The following YKT6 variants were observed in gnomAD, a reference collection of about 807,000 sequenced individuals.
YKT6 encodes the protein YKT6 vesicular SNARE protein, also known as synaptobrevin homolog YKT6.
A neutral mutation model predicts 29.3 loss-of-function variants in YKT6; 12 were observed. That is an observed-to-expected ratio of 0.41 (90% CI 0.26 to 0.66). The LOEUF (loss-of-function observed/expected upper bound fraction) is 0.66, where lower values mean the gene tolerates loss of function less well. Ranked by LOEUF, YKT6 falls within the 30% of genes least tolerant of loss-of-function variation. The pLI is 0.32. For synonymous variants in YKT6, 86 were observed against 94.3 expected (o/e 0.91, Z 0.51); for missense variants, 188 against 243.8 (o/e 0.77, Z 1.52).
intron 2 of YKT6, among the ~76,000 whole-genome samples, chr7:44,205,314 T>C (rs184130981): frequency 6.6e-6 from 1 of 152,384 alleles, no homozygotes; most frequent in African/African-American, 2.4e-5. Context: ...GTTCTTGCTC[T>C]GTTCTTCAAA....
chr7:44,202,203 T>C (rs1033555490), intron 1 of YKT6, among the ~76,000 whole-genome samples: 1 of 151,744 alleles, frequency 6.6e-6, no homozygotes, highest in Non-Finnish European at 1.5e-5. Flanking sequence ...TGCCAAGGAC[T>C]TGCTGGATGT....
intron 5 of YKT6, among the ~76,000 whole-genome samples, chr7:44,209,808 G>T (rs1177807775): frequency 1.3e-5 from 2 of 152,162 alleles, no homozygotes; most frequent in Non-Finnish European, 2.9e-5. Context: ...TCCATCTCTA[G>T]ACCCCTTCCC....
chr7:44,208,351 C>T (rs2096343144), intron 5 of YKT6, 153 bp downstream of exon 5: 3 of 758,408 alleles, frequency 4.0e-6, no homozygotes, highest in Non-Finnish European at 6.6e-6. Context: ...CCACCCCGGG[C>T]ATCAGACTGT....
chr7:44,208,373 C>G, intron 5 of YKT6, 175 bp downstream of exon 5: 1 of 631,958 alleles, frequency 1.6e-6, no homozygotes, highest in Non-Finnish European at 2.7e-6. Context: ...TTTCCTATAC[C>G]CTTCTCTTGG....
chr7:44,201,162 C>T lies in YKT6; in HGVS notation c.27C>T (p.Leu9=), dbSNP rs1397223447. 6.2e-7 allele frequency: 1 copy of T among 1,611,252 alleles called. No homozygotes were observed. The highest frequency in any genetic ancestry group is 1.7e-5 in the Admixed American group (1 of 59,714). The change falls in exon 1 of 7, where the codon CTC becomes CTT. Residue 9 remains leucine, a synonymous_variant. Coordinates refer to ENST00000223369, the MANE Select transcript of YKT6 (RefSeq NM_006555.4). MKLYSLSV[L]YKGEAKVVLL... is the part of the protein sequence containing the mutation. ...TGAAGCTGTACAGCCTCAGCGTCCTCTACAAAGGCGAGGCCAAGGTGGTGC... is the reference window on the plus strand; with the variant it reads ...TGAAGCTGTACAGCCTCAGCGTCCTTTACAAAGGCGAGGCCAAGGTGGTGC...
At chr7:44,207,660 C>T (rs1346912244) in intron 4 of YKT6, among the ~76,000 whole-genome samples, 168 bp downstream of exon 4, 1 of 151,924 alleles carries the variant, frequency 6.6e-6, no homozygotes, top group African/African-American at 2.4e-5. Context: ...ACGTTCAGAC[C>T]GGGGAACCCA....
rs976486557 is a variant in YKT6 at position 44,212,383 on chromosome 7, G to T, written c.*101G>T. ...ACAGCCATAGACGAGGAGCCAGAGT[G>T]GGGGCAGACTGGCCATTTTTATTTT... On this transcript the variant is annotated 3_prime_UTR_variant, in exon 7 of 7. Transcript: ENST00000223369. 4 of 1,477,790 alleles carry T rather than the reference G, an allele frequency of 2.7e-6. No individual in the cohort carries two copies. Among genetic ancestry groups the T allele is most frequent in the Non-Finnish European group, 3.7e-6 (4 of 1,074,286 alleles). The allele number at this position is 1,477,790 out of a possible 1,614,324, so 91.5% of individuals were successfully genotyped here.
chr7:44,201,356 G>A (rs911858569), intron 1 of YKT6, 117 bp downstream of exon 1: 1 of 737,066 alleles, frequency 1.4e-6, no homozygotes, highest in African/African-American at 1.9e-5. Flanking sequence ...AGGAGGCCAA[G>A]GGTAGGGGCA....
intron 4 of YKT6, 127 bp from the exon 5 acceptor site, chr7:44,208,006 G>T: frequency 3.2e-6 from 3 of 944,004 alleles, no homozygotes; most frequent in Non-Finnish European, 3.3e-6. Flanking sequence ...TTACAGGCGT[G>T]AGCCACTGTG....
At position 44,213,845 on chromosome 7, in the gene YKT6, G is replaced by A. The variant is rs1441679009; in HGVS notation, c.*1563G>A. On this transcript the variant is annotated 3_prime_UTR_variant, in exon 7 of 7. Transcript: ENST00000223369. The stretch of plus-strand genomic sequence containing the variant: ...TTTTCTCTGGGTACTGCTGGCCAGA[G>A]GACTTTAGCCTACCCCTGAAGAGCC... 1.3e-5 allele frequency: 2 copies of A among 152,278 alleles called. No individual in the cohort carries two copies. The highest frequency in any genetic ancestry group is 4.8e-5 in the African/African-American group (2 of 41,438). The allele number at this position is 152,278 out of a possible 1,614,324, so 9.4% of individuals were successfully genotyped here.
chr7:44,201,924 C>T (rs2096336159), intron 1 of YKT6, among the ~76,000 whole-genome samples: 1 of 152,174 alleles, frequency 6.6e-6, no homozygotes, highest in Non-Finnish European at 1.5e-5. Flanking sequence ...CAAAAGGATT[C>T]CACACGGAAG....
intron 3 of YKT6, 154 bp from the exon 4 acceptor site, chr7:44,207,234 C>G (rs188932078): frequency 9.0e-5 from 49 of 543,152 alleles, no homozygotes; most frequent in African/African-American, 8.3e-4. Flanking sequence ...TAGATTTTCT[C>G]TGTTGCCATT....
chr7:44,201,451 C>T lies in YKT6; in HGVS notation c.104+212C>T, dbSNP rs531018373. ...CGGGGTGGGGAGGGCCCGGGGTCTGCTGTCCGGGCTTGGTCTCCTATAATG... is the reference window on the plus strand; with the variant it reads ...CGGGGTGGGGAGGGCCCGGGGTCTGTTGTCCGGGCTTGGTCTCCTATAATG... On this transcript the variant is annotated intron_variant, in intron 1 of 6. Coordinates refer to ENST00000223369, the MANE Select transcript of YKT6 (RefSeq NM_006555.4). 6.6e-5 allele frequency among the ~76,000 whole-genome samples: 10 copies of T among 152,156 alleles called. No individual in the cohort carries two copies. In the East Asian group the frequency reaches 1.9e-3, roughly 29 times the overall value.
chr7:44,200,992 G>T lies in YKT6; in HGVS notation c.-144G>T. The stretch of plus-strand genomic sequence containing the variant: ...GATCCGGAAGTGGATTGCGAGCCAG[G>T]AGGAGGAAGCCGGCGGTGGCCCCGT... On this transcript the variant is annotated 5_prime_UTR_variant, in exon 1 of 7. Transcript: ENST00000223369. The T allele has an allele frequency of 1.7e-6, 1 of 601,592 alleles. No homozygotes were observed. Among genetic ancestry groups the T allele is most frequent in the Non-Finnish European group, 2.8e-6 (1 of 356,778 alleles). 37.3% of individuals were successfully genotyped at this position (601,592 alleles called of 1,614,324 possible).
At position 44,207,416 on chromosome 7, in the gene YKT6, A is replaced by G; in HGVS notation, c.317A>G (p.Asp106Gly). Residue 106 changes from aspartate to glycine, a missense_variant, in exon 4 of 7, where the codon GAC becomes GGC. Asp to Gly is a moderately conservative substitution (Grantham distance 94). Around this residue, in one of 3 missense-constraint regions of YKT6, gnomAD observed 100 missense variants for 136.3 expected, o/e 0.73. Transcript: ENST00000223369. ...KVLDEFSKQV[D>G]RIDWPVGSPA... ...CTAGATGAATTCTCCAAGCAAGTCGACAGGATAGACTGGCCAGTAGGATCC... is the reference window on the plus strand; with the variant it reads ...CTAGATGAATTCTCCAAGCAAGTCGGCAGGATAGACTGGCCAGTAGGATCC... The G allele has an allele frequency of 6.2e-7, 1 of 1,614,090 alleles. No individual in the cohort carries two copies. The highest frequency in any genetic ancestry group is 8.5e-7 in the Non-Finnish European group (1 of 1,179,970).
At chr7:44,211,499 C>G (rs899816829) in intron 6 of YKT6, 22 of 994,670 alleles carry the variant, frequency 2.2e-5, no homozygotes, top group South Asian at 4.0e-5. Context: ...CTTTAAGATG[C>G]AAGCAATTCA....
Position 44,212,371 on chromosome 7 carries a change from A to T in YKT6, c.*89A>T. On this transcript the variant is annotated 3_prime_UTR_variant, in exon 7 of 7. Transcript: ENST00000223369. ...GGAAAAGAAGAGACAGCCATAGACG[A>T]GGAGCCAGAGTGGGGGCAGACTGGC... is the stretch of plus-strand genomic sequence containing the variant. 2 of 1,547,570 alleles carry T rather than the reference A, an allele frequency of 1.3e-6. No homozygotes were observed. The highest frequency in any genetic ancestry group is 1.1e-5 in the South Asian group (1 of 87,410).
At position 44,204,553 on chromosome 7, in the gene YKT6, T is replaced by C; in HGVS notation, c.105-15T>C. The C allele has an allele frequency of 1.2e-6, 2 of 1,613,806 alleles. No individual in the cohort carries two copies. Among genetic ancestry groups the C allele is most frequent in the Non-Finnish European group, 1.7e-6 (2 of 1,179,754 alleles). Reference sequence around the variant, plus strand: ...TGATAAGAAGTAGGCAATAAATACATTTTGTGTTTCTTAGCGTTCAGGAAT... The same window carrying C: ...TGATAAGAAGTAGGCAATAAATACACTTTGTGTTTCTTAGCGTTCAGGAAT... On this transcript the variant is annotated splice_polypyrimidine_tract_variant and intron_variant, in intron 1 of 6. Coordinates refer to ENST00000223369, the MANE Select transcript of YKT6 (RefSeq NM_006555.4).
chr7:44,201,123 A>G lies in YKT6; in HGVS notation c.-13A>G. ...CGCAGCTGGGCAGGCGGGCGGCCTG[A>G]GGGCGCGGAGCCATGAAGCTGTACA... On this transcript the variant is annotated 5_prime_UTR_variant, in exon 1 of 7. Transcript: ENST00000223369. The G allele has an allele frequency of 6.4e-7, 1 of 1,567,434 alleles. No homozygotes were observed. The highest frequency in any genetic ancestry group is 8.6e-7 in the Non-Finnish European group (1 of 1,160,444).
Sources: gnomAD v4.1 joint callset for allele counts (sites outside exome capture counted in the v4.1 genomes callset) on GRCh38, gnomAD v4.1.1 for gene constraint, gnomAD v4.1.1 regional missense constraint, MANE v1.5 for transcripts, NCBI Gene and HGNC (gene_info 2026-07-23, HGNC 2026-07-21) for gene names.